Variants in KCNN3 observed in about 807,000 individuals in gnomAD.
KCNN3 encodes the protein small conductance calcium-activated potassium channel protein 3.
In KCNN3, 16 loss-of-function variants were observed where a neutral mutation model predicts 62.9. That is an observed-to-expected ratio of 0.25 (90% CI 0.17 to 0.39). KCNN3 has a LOEUF of 0.39. KCNN3 is among the 10% of genes least tolerant of loss of function. The probability of loss-of-function intolerance (pLI) is 1.00; values close to 1 mark genes in which losing one functional copy is unlikely to be tolerated. For missense variants in KCNN3, 599 were observed against 949.4 expected (o/e 0.63, Z 4.85); for synonymous variants, 370 against 389.2 (o/e 0.95, Z 0.58).
At chr1:154,852,805 C>T (rs974733327) in intron 1 of KCNN3, among the ~76,000 whole-genome samples, 6 of 152,078 alleles carry the variant, frequency 3.9e-5, no homozygotes, top group African/African-American at 1.2e-4. Context: ...AAAATGACAG[C>T]GGTAGCTCCC....
In KCNN3 at chr1:154,828,344, CT is replaced by C. The variant is rs1400004347; in HGVS notation, c.934-6161del. Among the ~76,000 whole-genome samples, 374 of 144,966 alleles carry C rather than the reference CT, an allele frequency of 2.6e-3. 1 individual carries two copies. Among genetic ancestry groups the C allele is most frequent in the Middle Eastern group, 7.2e-3 (2 of 278 alleles). Reference sequence around the variant, plus strand: ...ATAGGGACATGTCCAACACTCATTCCTTTTTTTTTTTTTCTTAGGAGTTTTC... The same window carrying C: ...ATAGGGACATGTCCAACACTCATTCCTTTTTTTTTTTTCTTAGGAGTTTTC... On this transcript the variant is annotated intron_variant, in intron 1 of 7. Transcript: ENST00000271915.
chr1:154,766,000 G>T (rs573708748), intron 3 of KCNN3, among the ~76,000 whole-genome samples: 3 of 151,968 alleles, frequency 2.0e-5, no homozygotes, highest in East Asian at 3.9e-4. Context: ...ACATTTTTCA[G>T]GAATCTTCAG....
At chr1:154,746,755 G>C (rs1186581965) in intron 3 of KCNN3, among the ~76,000 whole-genome samples, 1 of 152,148 alleles carries the variant, frequency 6.6e-6, no homozygotes, top group Non-Finnish European at 1.5e-5. Flanking sequence ...CAAGGAGCTG[G>C]CTATCCCTTG....
intron 1 of KCNN3, among the ~76,000 whole-genome samples, chr1:154,823,204 C>T (rs1299111436): frequency 6.6e-6 from 1 of 152,132 alleles, no homozygotes; most frequent in African/African-American, 2.4e-5. Flanking sequence ...CTGGGCATTT[C>T]GAAGCTGGAA....
chr1:154,810,611 C>T (rs1052914401), intron 2 of KCNN3, among the ~76,000 whole-genome samples: 1 of 152,102 alleles, frequency 6.6e-6, no homozygotes, highest in African/African-American at 2.4e-5. Flanking sequence ...AATAGGGAAA[C>T]CAGGAGAAGG....
intron 5 of KCNN3, among the ~76,000 whole-genome samples, chr1:154,716,776 A>G (rs1557939617): frequency 6.6e-6 from 1 of 152,234 alleles, no homozygotes; most frequent in African/African-American, 2.4e-5. Context: ...GTGGATGTCC[A>G]GGAGAGGACA....
chr1:154,728,387 G>T (rs1469546423), intron 4 of KCNN3, among the ~76,000 whole-genome samples: 1 of 152,144 alleles, frequency 6.6e-6, no homozygotes, highest in Non-Finnish European at 1.5e-5. Flanking sequence ...CAACTTAAAT[G>T]GATGCTCTCA....
Position 154,710,624 on chromosome 1 carries a change from G to A in KCNN3, c.1900-2352C>T, listed in dbSNP as rs144495826. On this transcript the variant is annotated intron_variant, in intron 7 of 7. Coordinates refer to ENST00000271915, the MANE Select transcript of KCNN3 (RefSeq NM_002249.6). ...GTGGGCCCCATCTCTCCAAGAGGCCGTGGGTGGCACTGCAGAAATGCAGGC... is the reference window on the plus strand; with the variant it reads ...GTGGGCCCCATCTCTCCAAGAGGCCATGGGTGGCACTGCAGAAATGCAGGC... 4.7e-3 allele frequency among the ~76,000 whole-genome samples: 722 copies of A among 152,342 alleles called. 9 individuals carry two copies. Among genetic ancestry groups the A allele is most frequent in the Non-Finnish European group, 5.4e-3 (370 of 68,024 alleles).
intron 2 of KCNN3, among the ~76,000 whole-genome samples, chr1:154,783,792 G>A (rs1471574622): frequency 6.6e-6 from 1 of 152,192 alleles, no homozygotes; most frequent in East Asian, 1.9e-4. Context: ...ATGAGACAGG[G>A]ACAGTGCTGA....
intron 3 of KCNN3, among the ~76,000 whole-genome samples, chr1:154,742,168 C>A (rs897113342): frequency 6.6e-6 from 1 of 152,242 alleles, no homozygotes; most frequent in African/African-American, 2.4e-5. Context: ...TTGCTCCTGT[C>A]ACTCCTGCCC....
chr1:154,866,413 G>A (rs1652958786), intron 1 of KCNN3, among the ~76,000 whole-genome samples: 1 of 152,134 alleles, frequency 6.6e-6, no homozygotes. Context: ...TCGACAGCTG[G>A]GGAAACAGGC....
chr1:154,745,185 T>C (rs1042194664), intron 3 of KCNN3, among the ~76,000 whole-genome samples: 16 of 152,194 alleles, frequency 1.1e-4, no homozygotes, highest in Non-Finnish European at 4.4e-5. Context: ...CAGCCCTGGA[T>C]CTTTCCAAGG....
At chr1:154,795,350 A>G (rs1454424149) in intron 2 of KCNN3, among the ~76,000 whole-genome samples, 1 of 152,230 alleles carries the variant, frequency 6.6e-6, no homozygotes, top group Non-Finnish European at 1.5e-5. Context: ...CTTTGCAAAC[A>G]TAAGAGCACA....
intron 1 of KCNN3, among the ~76,000 whole-genome samples, chr1:154,832,277 G>A (rs543782505): frequency 1.3e-5 from 2 of 151,634 alleles, no homozygotes; most frequent in Non-Finnish European, 2.9e-5. Flanking sequence ...CTCTTGTGGT[G>A]TCAAGAAGTC....
Position 154,869,635 on chromosome 1 carries a change from G to A in KCNN3, c.330C>T (p.Ala110=), listed in dbSNP as rs768125954. 1.9e-6 allele frequency: 3 copies of A among 1,613,492 alleles called. No homozygotes were observed. Among genetic ancestry groups the A allele is most frequent in the Admixed American group, 1.7e-5 (1 of 59,854 alleles). The change falls in exon 1 of 8, where the codon GCC becomes GCT. Residue 110 remains alanine, a synonymous_variant. Transcript: ENST00000271915. The surrounding 1 kb of genome is among the most constrained non-coding windows in gnomAD (Gnocchi z 6.1). The part of the protein sequence containing the change: ...LLHSSPTAFR[A]PPSSNSTAIL... ...TGGCGGTGGAGTTGGACGAAGGGGGGGCCCTGAAAGCGGTGGGAGAGGAGT... is the reference window on the plus strand; with the variant it reads ...TGGCGGTGGAGTTGGACGAAGGGGGAGCCCTGAAAGCGGTGGGAGAGGAGT...
chr1:154,759,311 G>A (rs547091918), intron 3 of KCNN3, among the ~76,000 whole-genome samples: 1 of 152,302 alleles, frequency 6.6e-6, no homozygotes, highest in South Asian at 2.1e-4. Flanking sequence ...TGAGGTGCCC[G>A]TCCTTTGAGG....
rs200006853 is a variant in KCNN3, at chr1:154,714,612, G to GGTGTGTGTGT, written c.1829+254_1829+263dup. On this transcript the variant is annotated intron_variant, in intron 6 of 7. Coordinates refer to ENST00000271915, the MANE Select transcript of KCNN3 (RefSeq NM_002249.6). ...ATGGTGTGTGTGATGTGTGGTGTGT[G>GGTGTGTGTGT]GTGTGTGTGTGTGTGTGTGTGTGTG... Among the ~76,000 whole-genome samples, 23 of 24,856 alleles carry GGTGTGTGTGT rather than the reference G, an allele frequency of 9.3e-4. No homozygotes were observed. The Middle Eastern group carries it at 0.06, about 65-fold the overall frequency. The allele number at this position is 24,856 out of a possible 152,430, so 16.3% of individuals were successfully genotyped here. A position where few individuals can be genotyped will look rare whatever the true frequency, so the allele number is the denominator to read the frequency against.
intron 1 of KCNN3, chr1:154,867,841 G>T: frequency 2.3e-6 from 1 of 436,708 alleles, no homozygotes; most frequent in Non-Finnish European, 3.0e-6. Context: ...CAACAAATTG[G>T]GGGTGGGGGT....
intron 1 of KCNN3, among the ~76,000 whole-genome samples, chr1:154,823,300 C>A (rs937819662): frequency 1.3e-5 from 2 of 152,206 alleles, no homozygotes; most frequent in African/African-American, 4.8e-5. Context: ...CATTTCCAAG[C>A]AGTGACTGTG....
Sources: allele counts gnomAD v4.1 joint callset (sites outside exome capture counted in the v4.1 genomes callset), GRCh38; gene constraint gnomAD v4.1.1; non-coding constraint Gnocchi (gnomAD v3.1); transcripts MANE v1.5; gene names NCBI Gene and HGNC (gene_info 2026-07-23, HGNC 2026-07-21).